Variants in HACD4 observed in about 807,000 individuals in gnomAD.
HACD4 encodes 3-hydroxyacyl-CoA dehydratase 4.
In HACD4, 35 loss-of-function variants were observed where a neutral mutation model predicts 33.3. The ratio of observed to expected loss-of-function variants is 1.05; its 90% CI spans 0.80 to 1.39. HACD4 has a LOEUF of 1.39. HACD4 is among the 40% of genes most tolerant of loss of function. The pLI is 0.00. For missense variants in HACD4, 323 were observed against 276.5 expected, an observed-to-expected ratio of 1.17 and a Z score of -1.19; for synonymous variants, 118 against 98.0, an observed-to-expected ratio of 1.20 and a Z score of -1.21.
chr9:21,026,375 G>A (rs1367605543), intron 3 of HACD4, among the ~76,000 whole-genome samples: 1 of 152,244 alleles, frequency 6.6e-6, no homozygotes, highest in Non-Finnish European at 1.5e-5. Flanking sequence ...GACCAATGCA[G>A]TGCTGCAAGA....
intron 3 of HACD4, among the ~76,000 whole-genome samples, chr9:21,019,997 A>G (rs371413444): frequency 6.6e-6 from 1 of 152,068 alleles, no homozygotes; most frequent in East Asian, 1.9e-4. Context: ...TGTTCTCTTA[A>G]GAGTATGTGA....
At chr9:21,009,082 G>A (rs1174458256) in intron 5 of HACD4, among the ~76,000 whole-genome samples, 1 of 152,060 alleles carries the variant, frequency 6.6e-6, no homozygotes, top group Non-Finnish European at 1.5e-5. Flanking sequence ...AGTTGATTTT[G>A]TTATTTACAT....
At chr9:21,029,482 C>T in intron 1 of HACD4, 84 bp from the exon 2 acceptor site, 2 of 787,550 alleles carry the variant, frequency 2.5e-6, no homozygotes, top group Non-Finnish European at 4.0e-6. Flanking sequence ...ATGTACTGGC[C>T]AACCTGAGAA....
At chr9:21,026,775 A>C in intron 2 of HACD4, 52 bp from the exon 3 acceptor site, 1 of 1,504,834 alleles carries the variant, frequency 6.6e-7, no homozygotes. Flanking sequence ...ACTGGATTAT[A>C]ACCCAAATTT....
intron 3 of HACD4, among the ~76,000 whole-genome samples, chr9:21,025,159 T>G (rs1269738037): frequency 6.6e-6 from 1 of 152,168 alleles, no homozygotes; most frequent in Non-Finnish European, 1.5e-5. Flanking sequence ...TATACACCAT[T>G]ACCCTAACTT....
At chr9:21,023,853 G>C (rs1255488554) in intron 3 of HACD4, among the ~76,000 whole-genome samples, 3 of 152,178 alleles carry the variant, frequency 2.0e-5, no homozygotes, top group Non-Finnish European at 4.4e-5. Context: ...GGGATTACAG[G>C]CGTGAGCCAC....
chr9:21,019,422 T>C (rs1261364991), intron 3 of HACD4, among the ~76,000 whole-genome samples: 1 of 152,066 alleles, frequency 6.6e-6, no homozygotes, highest in Non-Finnish European at 1.5e-5. Context: ...CAGGAAAAGG[T>C]TGTTGTAAAG....
intron 4 of HACD4, among the ~76,000 whole-genome samples, chr9:21,014,672 A>G (rs188314612): frequency 3.6e-4 from 55 of 152,290 alleles, no homozygotes; most frequent in Admixed American, 2.4e-3. Context: ...AAACTCACAA[A>G]TTTTGTATTT....
intron 1 of HACD4, among the ~76,000 whole-genome samples, chr9:21,030,722 C>T (rs996991908): frequency 2.0e-5 from 3 of 152,210 alleles, no homozygotes; most frequent in African/African-American, 7.2e-5. Context: ...TAGATAGTTT[C>T]CTTCATCAGA....
intron 2 of HACD4, among the ~76,000 whole-genome samples, chr9:21,028,635 A>G (rs911181178): frequency 7.9e-5 from 12 of 152,200 alleles, no homozygotes; most frequent in Non-Finnish European, 1.5e-4. Context: ...CAAGTCACTC[A>G]ACAGTTGTAA....
chr9:21,010,540 A>G (rs957813753), intron 5 of HACD4, among the ~76,000 whole-genome samples: 1 of 148,796 alleles, frequency 6.7e-6, no homozygotes, highest in Non-Finnish European at 1.5e-5. Context: ...TTATGCTGAT[A>G]TAAGCCCTGT....
At chr9:21,007,378 G>C (rs938346390) in intron 6 of HACD4, among the ~76,000 whole-genome samples, 1 of 151,994 alleles carries the variant, frequency 6.6e-6, no homozygotes, top group Non-Finnish European at 1.5e-5. Flanking sequence ...TTCCTCTAAA[G>C]TTTCACATTT....
intron 3 of HACD4, among the ~76,000 whole-genome samples, chr9:21,022,573 C>T (rs573459800): frequency 1.3e-5 from 2 of 152,262 alleles, no homozygotes; most frequent in South Asian, 4.1e-4. Flanking sequence ...TGAACAGATA[C>T]TTCTCAAAAG....
At chr9:21,024,678 T>G (rs1350879090) in intron 3 of HACD4, among the ~76,000 whole-genome samples, 6 of 152,204 alleles carry the variant, frequency 3.9e-5, no homozygotes, top group African/African-American at 7.2e-5. Context: ...TGAGTTTTCT[T>G]CCTTAAAAAA....
Position 21,006,023 on chromosome 9 carries a change from G to A in HACD4, c.*1014C>T, listed in dbSNP as rs566105666. ...AATCTCACCCACATCTGATTTAGAC[G>A]AGACTTTGGACTTTAGAGTTGATGC... On this transcript the variant is annotated 3_prime_UTR_variant, in exon 7 of 7. Coordinates refer to ENST00000495827, the MANE Select transcript of HACD4 (RefSeq NM_001010915.5). This position sits in a 1 kb window ranked among gnomAD's most constrained non-coding sequence, Gnocchi z 4.6. 5.3e-5 allele frequency: 8 copies of A among 152,292 alleles called. No homozygotes were observed. Among genetic ancestry groups the A allele is most frequent in the East Asian group, 1.9e-4 (1 of 5,190 alleles). The allele number at this position is 152,292 out of a possible 1,614,324, so 9.4% of individuals were successfully genotyped here.
At chr9:21,017,268 C>T (rs991983296) in intron 3 of HACD4, among the ~76,000 whole-genome samples, 2 of 152,068 alleles carry the variant, frequency 1.3e-5, no homozygotes, top group Non-Finnish European at 2.9e-5. Context: ...CAGAAATCCA[C>T]GTGTATAAGC....
chr9:21,028,400 T>C (rs1818120201), intron 2 of HACD4, among the ~76,000 whole-genome samples: 1 of 152,198 alleles, frequency 6.6e-6, no homozygotes, highest in Non-Finnish European at 1.5e-5. Context: ...ACATTTGTAG[T>C]TGAAACTCAA....
At chr9:21,029,909 C>T (rs1209117713) in intron 1 of HACD4, among the ~76,000 whole-genome samples, 2 of 152,048 alleles carry the variant, frequency 1.3e-5, no homozygotes, top group African/African-American at 4.8e-5. Context: ...ACATCGCTAG[C>T]CTGGGGAAAG....
At chr9:21,019,351 G>T (rs537321264) in intron 3 of HACD4, among the ~76,000 whole-genome samples, 14 of 151,998 alleles carry the variant, frequency 9.2e-5, no homozygotes, top group Non-Finnish European at 1.3e-4. Context: ...TTACTTCTGT[G>T]TTAAGTAATT....
Sources: gnomAD v4.1 joint callset for allele counts (sites outside exome capture counted in the v4.1 genomes callset) on GRCh38, gnomAD v4.1.1 for gene constraint, Gnocchi (gnomAD v3.1) non-coding constraint, MANE v1.5 for transcripts, NCBI Gene and HGNC (gene_info 2026-07-23, HGNC 2026-07-21) for gene names.